TMEM44: variants seen among roughly 807,000 people sequenced by gnomAD.
TMEM44 encodes transmembrane protein 44.
Under a neutral mutation model 47.8 loss-of-function variants are expected in TMEM44, and 43 were observed. The ratio of observed to expected loss-of-function variants is 0.90; its 90% CI spans 0.70 to 1.16. The LOEUF (loss-of-function observed/expected upper bound fraction) is 1.16, where lower values mean the gene tolerates loss of function less well. Ranked by LOEUF, TMEM44 falls within the 50% of genes most tolerant of loss-of-function variation. The pLI is 0.00. For missense variants in TMEM44, 568 were observed against 555.2 expected, an observed-to-expected ratio of 1.02 and a Z score of -0.23; for synonymous variants, 277 against 238.8, an observed-to-expected ratio of 1.16 and a Z score of -1.48.
chr3:194,595,452 A>T (rs1773177), intron 9 of TMEM44, among the ~76,000 whole-genome samples: 33 of 152,034 alleles, frequency 2.2e-4, no homozygotes, highest in African/African-American at 7.5e-4. Context: ...TTTAAATTTT[A>T]GACTGTGGAA....
At chr3:194,630,733 G>A (rs1049895006) in intron 1 of TMEM44, among the ~76,000 whole-genome samples, 14 of 151,148 alleles carry the variant, frequency 9.3e-5, no homozygotes, top group African/African-American at 1.5e-4. Flanking sequence ...CCTGCCTCCC[G>A]AAGGGGCTGG....
chr3:194,626,324 G>A (rs560366728), intron 2 of TMEM44, among the ~76,000 whole-genome samples: 2 of 152,312 alleles, frequency 1.3e-5, no homozygotes, highest in South Asian at 2.1e-4. Context: ...GAGCTTCTCT[G>A]GCGCTCAGTT....
In TMEM44 at chr3:194,631,014, C is replaced by T. The variant is rs180739818; in HGVS notation, c.137+2065G>A. Among the ~76,000 whole-genome samples the T allele has an allele frequency of 1.4e-3, 186 of 130,842 alleles. 6 individuals carry two copies. The highest frequency in any genetic ancestry group is 5.3e-4 in the Non-Finnish European group (33 of 61,904). The allele number at this position is 130,842 out of a possible 152,430, so 85.8% of individuals were successfully genotyped here. A position where few individuals can be genotyped will look rare whatever the true frequency, so the allele number is the denominator to read the frequency against. ...ATAATACGCTGTTGTACCTGCCTCC[C>T]GAAGGGGCTGGCTGTTTCCGTCGGC... On this transcript the variant is annotated intron_variant, in intron 1 of 9. Coordinates refer to ENST00000347147, the MANE Select transcript of TMEM44 (RefSeq NM_001011655.3).
chr3:194,620,309 A>T (rs1227322272), intron 5 of TMEM44, among the ~76,000 whole-genome samples: 1 of 151,574 alleles, frequency 6.6e-6, no homozygotes, highest in East Asian at 1.9e-4. Context: ...AAAAAAAAAA[A>T]AAATACCAGG....
At chr3:194,602,844 T>G (rs1714305575) in intron 9 of TMEM44, among the ~76,000 whole-genome samples, 1 of 152,162 alleles carries the variant, frequency 6.6e-6, no homozygotes, top group Non-Finnish European at 1.5e-5. Context: ...ATTTCAAGGG[T>G]CAGTTTAAGT....
At chr3:194,592,664 G>T (rs971199816) in intron 9 of TMEM44, among the ~76,000 whole-genome samples, 2 of 151,740 alleles carry the variant, frequency 1.3e-5, no homozygotes, top group African/African-American at 2.4e-5. Context: ...TGCCCAGGCT[G>T]GAGTGCAATG....
intron 7 of TMEM44, among the ~76,000 whole-genome samples, chr3:194,613,459 T>C (rs892133932): frequency 6.6e-6 from 1 of 151,856 alleles, no homozygotes; most frequent in African/African-American, 2.4e-5. Flanking sequence ...ATTACAGGCA[T>C]GAGGCACCAT....
chr3:194,608,813 G>A (rs1715026984), intron 8 of TMEM44, among the ~76,000 whole-genome samples: 2 of 152,190 alleles, frequency 1.3e-5, no homozygotes, highest in Admixed American at 1.3e-4. Flanking sequence ...AAAGTATTAG[G>A]ATTACAGGTG....
At chr3:194,616,901 A>C in intron 6 of TMEM44, 198 bp downstream of exon 6, 1 of 664,012 alleles carries the variant, frequency 1.5e-6, no homozygotes. Context: ...TCTCAAAACA[A>C]ACAAACAAAA....
intron 5 of TMEM44, chr3:194,622,977 G>A (rs1288110414): frequency 4.7e-6 from 2 of 423,798 alleles, no homozygotes; most frequent in Non-Finnish European, 8.4e-6. Flanking sequence ...ATAGGAAATG[G>A]GGAAGAACAC....
chr3:194,617,173 G>A lies in TMEM44; in HGVS notation c.709C>T (p.Gln237Ter), dbSNP rs760646334. Residue 237 changes from glutamine (Q) to a stop codon, truncating the protein, a stop_gained, in exon 6 of 10, where the codon CAG becomes TAG. Transcript: ENST00000347147. LOFTEE classifies it high-confidence loss of function. ...LYASAIVAHD[Q>*]HPEYLLRATP... Reference sequence around the variant, plus strand: ...GCCCGCAGCAGGTACTCAGGGTGCTGGTCGTGGGCCACAATGGCCGAGGCA... The same window carrying A: ...GCCCGCAGCAGGTACTCAGGGTGCTAGTCGTGGGCCACAATGGCCGAGGCA... 3.2e-6 allele frequency: 5 copies of A among 1,554,948 alleles called. No individual in the cohort carries two copies. Among genetic ancestry groups the A allele is most frequent in the African/African-American group, 1.4e-5 (1 of 73,430 alleles).
chr3:194,630,181 G>A (rs1251033268), intron 1 of TMEM44, among the ~76,000 whole-genome samples: 8 of 74,812 alleles, frequency 1.1e-4, no homozygotes, highest in Non-Finnish European at 2.1e-4. Flanking sequence ...TGTTTCCATC[G>A]GCGTCACTGA....
At position 194,588,218 on chromosome 3, in the gene TMEM44, C is replaced by A. The variant is rs1407430324; in HGVS notation, c.*311G>T. 11 of 314,226 alleles carry A rather than the reference C, an allele frequency of 3.5e-5. No homozygotes were observed. Among genetic ancestry groups the A allele is most frequent in the Non-Finnish European group, 4.8e-5 (8 of 168,324 alleles). The allele number at this position is 314,226 out of a possible 1,614,324, so 19.5% of individuals were successfully genotyped here. ...AGGTATTCCGTTCATGGCTGACTCT[C>A]AAGGGAATGAAGGGAAAAGGAAGAG... On this transcript the variant is annotated 3_prime_UTR_variant, in exon 10 of 10. Transcript: ENST00000347147.
At chr3:194,630,629 C>T (rs1717701049) in intron 1 of TMEM44, among the ~76,000 whole-genome samples, 3 of 95,372 alleles carry the variant, frequency 3.1e-5, no homozygotes, top group African/African-American at 9.9e-5. Flanking sequence ...TGATAGGGCC[C>T]CTGAAATAGT....
intron 2 of TMEM44, among the ~76,000 whole-genome samples, chr3:194,627,390 G>A (rs370282545): frequency 7.2e-5 from 11 of 152,280 alleles, no homozygotes; most frequent in South Asian, 2.1e-4. Flanking sequence ...TCCGCAGGAG[G>A]GCACAACAGG....
intron 9 of TMEM44, among the ~76,000 whole-genome samples, chr3:194,591,635 C>T (rs1337070797): frequency 6.6e-6 from 1 of 151,888 alleles, no homozygotes; most frequent in Non-Finnish European, 1.5e-5. Context: ...TATTTTGAGA[C>T]AGAGTCTCAC....
intron 8 of TMEM44, among the ~76,000 whole-genome samples, chr3:194,609,374 A>G (rs1055290300): frequency 2.0e-5 from 3 of 152,100 alleles, no homozygotes; most frequent in Non-Finnish European, 4.4e-5. Context: ...CCCTCTCTAC[A>G]GTCAAGCTTA....
chr3:194,600,411 G>C lies in TMEM44; in HGVS notation c.1176+3876C>G, dbSNP rs1229065068. On this transcript the variant is annotated intron_variant, in intron 9 of 9. Transcript: ENST00000347147. ...GCCTCCTAAAGTGCTGGGATTACAG[G>C]CGTGAGCCACCATGCCCAGCCCAGA... Among the ~76,000 whole-genome samples the C allele has an allele frequency of 3.3e-5, 5 of 151,900 alleles. No individual in the cohort carries two copies. In the East Asian group the frequency reaches 5.9e-4, roughly 18 times the overall value.
In TMEM44 at chr3:194,629,292, G is replaced by A. The variant is rs1405564816; in HGVS notation, c.138-783C>T. On this transcript the variant is annotated intron_variant, in intron 1 of 9. Coordinates refer to ENST00000347147, the MANE Select transcript of TMEM44 (RefSeq NM_001011655.3). ...ATTCTTCTAAACCATCTGTGAAGTGGGGCAGCCTGGCTTCTGCTGGCCTGT... is the reference window on the plus strand; with the variant it reads ...ATTCTTCTAAACCATCTGTGAAGTGAGGCAGCCTGGCTTCTGCTGGCCTGT... Among the ~76,000 whole-genome samples the A allele has an allele frequency of 2.0e-5, 3 of 152,202 alleles. No individual in the cohort carries two copies. In the East Asian group the frequency reaches 5.8e-4, roughly 29 times the overall value.
Sources: allele counts gnomAD v4.1 joint callset (sites outside exome capture counted in the v4.1 genomes callset), GRCh38; gene constraint gnomAD v4.1.1; transcripts MANE v1.5; gene names NCBI Gene and HGNC (gene_info 2026-07-23, HGNC 2026-07-21).